CASTOR2: variants seen among roughly 807,000 people sequenced by gnomAD.
CASTOR2 encodes GATS protein like 2.
CASTOR2 carries 8 observed loss-of-function variants against 31.2 expected under a neutral mutation model. The ratio of observed to expected loss-of-function variants is 0.26; its 90% CI spans 0.15 to 0.46. CASTOR2 has a LOEUF of 0.46. CASTOR2 is among the 20% of genes least tolerant of loss of function. The probability of loss-of-function intolerance (pLI) is 0.99; values close to 1 mark genes in which losing one functional copy is unlikely to be tolerated. For synonymous variants in CASTOR2, 162 were observed against 158.7 expected (o/e 1.02, Z -0.16); for missense variants, 216 against 382.1 (o/e 0.57, Z 3.62).
intron 1 of CASTOR2, among the ~76,000 whole-genome samples, chr7:75,001,483 C>T (rs1804494269): frequency 6.6e-6 from 1 of 152,208 alleles, no homozygotes; most frequent in African/African-American, 2.4e-5. Flanking sequence ...AGGCCACAAA[C>T]CCCGGGGGCC....
In CASTOR2 at chr7:75,028,204, T is replaced by C; in HGVS notation, c.*3505T>C. On this transcript the variant is annotated 3_prime_UTR_variant, in exon 9 of 9. Transcript: ENST00000616305. ...ATGATCTCAGCTCACTGCAGCAACCTCCACTTCCTGGGTTCAAGCGAGTCT... is the reference window on the plus strand; with the variant it reads ...ATGATCTCAGCTCACTGCAGCAACCCCCACTTCCTGGGTTCAAGCGAGTCT... The C allele has an allele frequency of 1.1e-6, 1 of 883,572 alleles. No individual in the cohort carries two copies. Among genetic ancestry groups the C allele is most frequent in the East Asian group, 2.8e-5 (1 of 35,832 alleles). The allele number at this position is 883,572 out of a possible 1,614,324, so 54.7% of individuals were successfully genotyped here. A position where few individuals can be genotyped will look rare whatever the true frequency, so the allele number is the denominator to read the frequency against.
At position 74,983,607 on chromosome 7, in the gene CASTOR2, C is replaced by T. The variant is rs1203858924; in HGVS notation, c.113+18509C>T. Among the ~76,000 whole-genome samples the T allele has an allele frequency of 3.6e-4, 54 of 151,682 alleles. 1 individual carries two copies. Among genetic ancestry groups the T allele is most frequent in the African/African-American group, 8.0e-4 (33 of 41,152 alleles). On this transcript the variant is annotated intron_variant, in intron 1 of 8. Coordinates refer to ENST00000616305, the MANE Select transcript of CASTOR2 (RefSeq NM_001145064.3). ...GGGGTTGGCTGTGAGTCGTGTGCATCTCCTGCCCTGACCCCCTCTGCAAGC... is the reference window on the plus strand; with the variant it reads ...GGGGTTGGCTGTGAGTCGTGTGCATTTCCTGCCCTGACCCCCTCTGCAAGC...
At chr7:74,994,067 C>T (rs1804278553) in intron 1 of CASTOR2, among the ~76,000 whole-genome samples, 1 of 152,190 alleles carries the variant, frequency 6.6e-6, no homozygotes, top group Non-Finnish European at 1.5e-5. Context: ...CCAGAGTAAA[C>T]AGATCAAGTT....
At chr7:74,988,588 C>G (rs1398684591) in intron 1 of CASTOR2, among the ~76,000 whole-genome samples, 4 of 152,142 alleles carry the variant, frequency 2.6e-5, no homozygotes, top group African/African-American at 9.7e-5. Context: ...TGAGCCACCG[C>G]ACCCGGCCCA....
chr7:74,992,952 G>A (rs1234869943), intron 1 of CASTOR2, among the ~76,000 whole-genome samples: 10 of 151,986 alleles, frequency 6.6e-5, no homozygotes, highest in African/African-American at 2.4e-4. Context: ...TGTAATCCCA[G>A]CACTTTGGGA....
intron 1 of CASTOR2, among the ~76,000 whole-genome samples, chr7:74,986,831 A>C (rs1584462550): frequency 6.6e-6 from 1 of 152,044 alleles, no homozygotes; most frequent in Non-Finnish European, 1.5e-5. Context: ...GGATCACTTG[A>C]GGTCAGGAGT....
chr7:75,018,561 A>C (rs1191469651), intron 4 of CASTOR2, among the ~76,000 whole-genome samples: 3 of 151,658 alleles, frequency 2.0e-5, no homozygotes, highest in Non-Finnish European at 4.4e-5. Context: ...AATGTGATGG[A>C]AAGGTCCTAG....
rs1187520926 is a variant in CASTOR2, at chr7:75,019,152, C to T, written c.635+57C>T. 240 of 1,551,460 alleles carry T rather than the reference C, an allele frequency of 1.5e-4. No individual in the cohort carries two copies. In the African/African-American group the frequency reaches 2.4e-3, roughly 15 times the overall value. On this transcript the variant is annotated intron_variant, in intron 5 of 8. Coordinates refer to ENST00000616305, the MANE Select transcript of CASTOR2 (RefSeq NM_001145064.3). ...GGTGGGCCAGGGAGAGGCATGGCTC[C>T]GCCTAGGAGTCTTAGTCTGACGGGG... is the stretch of plus-strand genomic sequence containing the variant.
intron 2 of CASTOR2, among the ~76,000 whole-genome samples, chr7:75,014,780 C>T (rs1481596517): frequency 6.6e-6 from 1 of 152,180 alleles, no homozygotes; most frequent in African/African-American, 2.4e-5. Context: ...GCCTGGGCTT[C>T]TCCCCAAGAC....
At chr7:74,990,538 T>C (rs1288541568) in intron 1 of CASTOR2, among the ~76,000 whole-genome samples, 15 of 62,918 alleles carry the variant, frequency 2.4e-4, no homozygotes, top group African/African-American at 7.4e-4. Flanking sequence ...TGCAACATAG[T>C]GAGACCCTGG....
At chr7:74,983,658 C>A (rs1803997299) in intron 1 of CASTOR2, among the ~76,000 whole-genome samples, 1 of 151,568 alleles carries the variant, frequency 6.6e-6, no homozygotes, top group Non-Finnish European at 1.5e-5. Flanking sequence ...TTGAGTGAGG[C>A]ACACTTGACC....
intron 1 of CASTOR2, among the ~76,000 whole-genome samples, chr7:74,993,969 AC>A (rs1280561440): frequency 6.6e-6 from 1 of 152,150 alleles, no homozygotes; most frequent in Admixed American, 6.5e-5. Context: ...TGTTGCTGGA[AC>A]GGGACTCTGG....
At chr7:75,006,930 C>T (rs1283653734) in intron 1 of CASTOR2, among the ~76,000 whole-genome samples, 14 of 149,730 alleles carry the variant, frequency 9.4e-5, no homozygotes, top group African/African-American at 2.0e-4. Context: ...TACCCAGTCT[C>T]GGGTATGTGT....
intron 2 of CASTOR2, among the ~76,000 whole-genome samples, chr7:75,010,587 C>G (rs1247489028): frequency 6.6e-6 from 1 of 152,118 alleles, no homozygotes; most frequent in Admixed American, 6.6e-5. Flanking sequence ...TTCCCCAGAG[C>G]CTTGTGACTT....
chr7:75,003,814 C>A (rs1804549840), intron 1 of CASTOR2, among the ~76,000 whole-genome samples: 1 of 151,966 alleles, frequency 6.6e-6, no homozygotes. Flanking sequence ...GGGGCTGACT[C>A]CTGAGGGTAG....
intron 2 of CASTOR2, among the ~76,000 whole-genome samples, chr7:75,008,944 T>A (rs1343052590): frequency 1.1e-4 from 16 of 151,974 alleles, no homozygotes; most frequent in Admixed American, 5.3e-4. Context: ...CTGGGCAACA[T>A]GATGAGAACC....
intron 2 of CASTOR2, among the ~76,000 whole-genome samples, chr7:75,009,907 T>C (rs1273646956): frequency 3.3e-5 from 5 of 149,308 alleles, no homozygotes; most frequent in African/African-American, 1.2e-4. Context: ...TTTTTTTTTT[T>C]AAGAAACAGG....
rs1479581125 is a variant in CASTOR2, at chr7:75,009,428, C to T, written c.184+1364C>T. ...GACTACAGGCGCCCGCCACCACGCC[C>T]GGCTAATTTTTTGTATTTTTTAGTA... is the stretch of plus-strand genomic sequence containing the variant. On this transcript the variant is annotated intron_variant, in intron 2 of 8. Transcript: ENST00000616305. Among the ~76,000 whole-genome samples, 14 of 151,432 alleles carry T rather than the reference C, an allele frequency of 9.2e-5. 1 individual carries two copies. Among genetic ancestry groups the T allele is most frequent in the African/African-American group, 1.9e-4 (8 of 41,266 alleles).
chr7:75,019,920 C>G, intron 5 of CASTOR2, 119 bp from the exon 6 acceptor site: 1 of 849,412 alleles, frequency 1.2e-6, no homozygotes, highest in Non-Finnish European at 1.8e-6. Context: ...GAGAAGGACA[C>G]TGGCCCAGGG....
Sources: allele counts gnomAD v4.1 joint callset (sites outside exome capture counted in the v4.1 genomes callset), GRCh38; gene constraint gnomAD v4.1.1; transcripts MANE v1.5; gene names NCBI Gene and HGNC (gene_info 2026-07-23, HGNC 2026-07-21).